The following NXPE4 variants were observed in gnomAD, a reference collection of about 807,000 sequenced individuals.
The protein encoded by NXPE4 is NXPE family member 4.
NXPE4 carries 42 observed loss-of-function variants against 33.3 expected under a neutral mutation model. The ratio of observed to expected loss-of-function variants is 1.26; its 90% CI spans 0.98 to 1.63. NXPE4 has a LOEUF of 1.63. Ranked by LOEUF, NXPE4 falls within the 40% of genes most tolerant of loss-of-function variation. The pLI is 0.00. For missense variants in NXPE4, 709 were observed against 647.6 expected, an observed-to-expected ratio of 1.09 and a Z score of -1.03; for synonymous variants, 253 against 234.9, an observed-to-expected ratio of 1.08 and a Z score of -0.71.
the NXPE4 span, among the ~76,000 whole-genome samples, chr11:114,638,844 C>T: frequency 6.6e-6 from 1 of 151,900 alleles, no homozygotes; most frequent in Non-Finnish European, 1.5e-5. Flanking sequence ...CAGTGGAGTA[C>T]CCAGCCGTGT....
chr11:114,665,112 G>A, the NXPE4 span, among the ~76,000 whole-genome samples: 1 of 151,940 alleles, frequency 6.6e-6, no homozygotes, highest in Non-Finnish European at 1.5e-5. Flanking sequence ...TGTGTATTAG[G>A]GTTTCATTAT....
chr11:114,609,005 T>C, the NXPE4 span, among the ~76,000 whole-genome samples: 1 of 151,936 alleles, frequency 6.6e-6, no homozygotes, highest in Admixed American at 6.6e-5. Context: ...AGGTGGATAA[T>C]AAGTGTTGCC....
chr11:114,612,420 T>C, the NXPE4 span, among the ~76,000 whole-genome samples: 540 of 151,468 alleles, frequency 3.6e-3, 2 homozygotes, highest in African/African-American at 0.013. Context: ...CGGTGGATAA[T>C]AAGTGTTGCC....
chr11:114,635,566 G>C, the NXPE4 span, among the ~76,000 whole-genome samples: 4 of 152,092 alleles, frequency 2.6e-5, no homozygotes, highest in African/African-American at 9.6e-5. Context: ...AATGCTTCCA[G>C]TTTTTGCCCA....
chr11:114,624,509 GATA>G, the NXPE4 span, among the ~76,000 whole-genome samples: 23 of 152,222 alleles, frequency 1.5e-4, no homozygotes, highest in East Asian at 3.7e-3. Context: ...TTGCCCACTG[GATA>G]ATAATTATTG....
chr11:114,605,826 A>T, the NXPE4 span, among the ~76,000 whole-genome samples: 11 of 151,818 alleles, frequency 7.2e-5, no homozygotes, highest in Non-Finnish European at 1.5e-4. Context: ...CGCAGTGGAA[A>T]ACAAGTATTG....
chr11:114,632,274 T>C, the NXPE4 span, among the ~76,000 whole-genome samples: 1 of 139,128 alleles, frequency 7.2e-6, no homozygotes, highest in Non-Finnish European at 1.5e-5. Context: ...TATATGTATA[T>C]ATACTATATA....
chr11:114,620,602 C>A, the NXPE4 span, among the ~76,000 whole-genome samples: 18 of 151,904 alleles, frequency 1.2e-4, no homozygotes, highest in Non-Finnish European at 2.9e-5. Context: ...AGGGTAACCA[C>A]TGTTACGCGG....
chr11:114,663,716 G>A, the NXPE4 span, among the ~76,000 whole-genome samples: 6 of 86,438 alleles, frequency 6.9e-5, no homozygotes, highest in Non-Finnish European at 1.5e-4. Flanking sequence ...CTATCTATCT[G>A]ATCTACCTAC....
At chr11:114,600,540 A>T (rs555590004), upstream of NXPE4, among the ~76,000 whole-genome samples, 1 of 152,240 alleles carries the variant, frequency 6.6e-6, no homozygotes, top group Admixed American at 6.5e-5. Context: ...CATAGAAAAA[A>T]ATTGAGTGAC....
At chr11:114,629,425 G>T in the NXPE4 span, among the ~76,000 whole-genome samples, 1 of 151,710 alleles carries the variant, frequency 6.6e-6, no homozygotes, top group East Asian at 1.9e-4. Context: ...AAAACCACAT[G>T]ATTATCTCAA....
chr11:114,604,378 G>A, the NXPE4 span, among the ~76,000 whole-genome samples: 3 of 151,738 alleles, frequency 2.0e-5, no homozygotes, highest in African/African-American at 4.8e-5. Flanking sequence ...GTGTTGCCTC[G>A]TGGGTAACCA....
the NXPE4 span, among the ~76,000 whole-genome samples, chr11:114,643,823 G>A: frequency 6.6e-6 from 1 of 152,070 alleles, no homozygotes; most frequent in Non-Finnish European, 1.5e-5. Flanking sequence ...GCTTGATGGG[G>A]ATAGCAGTGA....
chr11:114,651,455 G>A, the NXPE4 span, among the ~76,000 whole-genome samples: 1 of 152,152 alleles, frequency 6.6e-6, no homozygotes, highest in East Asian at 1.9e-4. Flanking sequence ...AAGGTAGTGT[G>A]GACCCAAAGA....
At chr11:114,650,550 T>G in the NXPE4 span, among the ~76,000 whole-genome samples, 2 of 152,080 alleles carry the variant, frequency 1.3e-5, no homozygotes, top group Non-Finnish European at 2.9e-5. Flanking sequence ...GGGCAAGTAC[T>G]GTTCTCCTTC....
At chr11:114,676,355 A>G in the NXPE4 span, among the ~76,000 whole-genome samples, 1 of 151,932 alleles carries the variant, frequency 6.6e-6, no homozygotes, top group Non-Finnish European at 1.5e-5. Context: ...CAAACCATAC[A>G]TCTGATAAGG....
chr11:114,598,772 C>T (rs1487565882), upstream of NXPE4, among the ~76,000 whole-genome samples: 1 of 152,110 alleles, frequency 6.6e-6, no homozygotes, highest in East Asian at 1.9e-4. Context: ...CCATTCTTCC[C>T]TTCTAGGCCT....
At chr11:114,621,368 T>C in the NXPE4 span, among the ~76,000 whole-genome samples, 4 of 152,184 alleles carry the variant, frequency 2.6e-5, no homozygotes, top group African/African-American at 9.6e-5. Context: ...TACTGTTATC[T>C]GCTGCATAAT....
At position 114,595,651 on chromosome 11, in the gene NXPE4, A is replaced by G. The variant is rs1949561853; in HGVS notation, c.-70T>C. 1 of 152,302 alleles carries G rather than the reference A, an allele frequency of 6.6e-6. No individual in the cohort carries two copies. Among genetic ancestry groups the G allele is most frequent in the East Asian group, 1.9e-4 (1 of 5,334 alleles). 9.4% of individuals were successfully genotyped at this position (152,302 alleles called of 1,614,324 possible). On this transcript the variant is annotated 5_prime_UTR_variant, in exon 1 of 6. Coordinates refer to ENST00000375478, the MANE Select transcript of NXPE4 (RefSeq NM_001077639.2). Reference sequence around the variant, plus strand: ...ACTCTCTGGCGAGCTAGGTGTTGAGAATTTCTTCTGAAGCCACCAGTGTGC... The same window carrying G: ...ACTCTCTGGCGAGCTAGGTGTTGAGGATTTCTTCTGAAGCCACCAGTGTGC...
Sources: allele counts gnomAD v4.1 joint callset (sites outside exome capture counted in the v4.1 genomes callset), GRCh38; gene constraint gnomAD v4.1.1; transcripts MANE v1.5; gene names NCBI Gene and HGNC (gene_info 2026-07-23, HGNC 2026-07-21).